Variants in CCDC32 observed in about 807,000 individuals in gnomAD.
CCDC32 encodes coiled-coil domain containing 32.
CCDC32 carries 9 observed loss-of-function variants against 20.1 expected under a neutral mutation model. The observed-to-expected ratio is 0.45, with a 90% CI of 0.27 to 0.78. CCDC32 has a LOEUF of 0.78. Among genes scored for constraint, CCDC32 ranks in the 30% least tolerant of loss-of-function variants. The pLI, the probability that CCDC32 is intolerant of heterozygous loss-of-function variation, is 0.16. For missense variants in CCDC32, 204 were observed against 215.5 expected, an observed-to-expected ratio of 0.95 and a Z score of 0.33; for synonymous variants, 63 against 79.0, an observed-to-expected ratio of 0.80 and a Z score of 1.07.
chr15:40,541,024 C>T lies in CCDC32; in HGVS notation c.402-1669G>A, dbSNP rs185878193. On this transcript the variant is annotated intron_variant, in intron 3 of 3. Coordinates refer to the CCDC32 transcript ENST00000558113. ...ACCAAAATGTCAAAACCAAAGGTCC[C>T]GCACAGCCCTGGAAGGCGGATCCTG... Among the ~76,000 whole-genome samples the T allele has an allele frequency of 2.2e-3, 339 of 152,312 alleles. 1 individual carries two copies. The highest frequency in any genetic ancestry group is 7.6e-3 in the African/African-American group (314 of 41,574).
At chr15:40,526,201 A>AT (rs1038328519), downstream of CCDC32, among the ~76,000 whole-genome samples, 8 of 151,660 alleles carry the variant, frequency 5.3e-5, no homozygotes, top group South Asian at 6.2e-4. Flanking sequence ...CTTCCAGAAC[A>AT]TTTTTTTTCA....
chr15:40,544,763 T>G (rs1889545023), intron 3 of CCDC32, among the ~76,000 whole-genome samples: 1 of 152,096 alleles, frequency 6.6e-6, no homozygotes, highest in African/African-American at 2.4e-5. Flanking sequence ...TGGAAAACTT[T>G]CCAGAGTCTG....
At chr15:40,563,702 ACACAC>A (rs201018319) in intron 1 of CCDC32, among the ~76,000 whole-genome samples, 37,816 of 151,910 alleles carry the variant, frequency 0.25, 5,713 homozygotes, top group Middle Eastern at 0.36. Flanking sequence ...ACACACACAC[ACACAC>A]AAATCTGTAG....
At chr15:40,546,813 TGCCTCA>T (rs1889639798) in intron 3 of CCDC32, among the ~76,000 whole-genome samples, 1 of 151,944 alleles carries the variant, frequency 6.6e-6, no homozygotes, top group Admixed American at 6.6e-5. Flanking sequence ...GTGATTCTCC[TGCCTCA>T]GCCTGTGGAG....
chr15:40,521,040 A>C, the CCDC32 span, among the ~76,000 whole-genome samples: 13 of 152,236 alleles, frequency 8.5e-5, no homozygotes, highest in African/African-American at 3.1e-4. Flanking sequence ...GAAGTGGATC[A>C]TCATAAAGAT....
Position 40,553,978 on chromosome 15 carries a change from T to C in CCDC32, c.551A>G (p.Glu184Gly). 1 of 1,604,914 alleles carries C rather than the reference T, an allele frequency of 6.2e-7. No individual in the cohort carries two copies. The change falls in exon 4 of 4, where the codon GAA (glutamate) becomes GGA (glycine). Residue 184 changes from glutamate to glycine, a missense_variant. By Grantham distance (98) the Glu-to-Gly change is moderately conservative. Transcript: ENST00000416810. Reference sequence around the variant, plus strand: ...TGTGTGTGTGTGTGTAATTTACTGTTCTGCTGCTGCTGGCTTGTCCCCGGC... The same window carrying C: ...TGTGTGTGTGTGTGTAATTTACTGTCCTGCTGCTGCTGGCTTGTCCCCGGC... Reference protein sequence around the residue: ...PAAGDKPAAAEQ With the variant: ...PAAGDKPAAAGQ
chr15:40,563,832 T>A (rs1230581437), intron 1 of CCDC32, among the ~76,000 whole-genome samples: 2 of 151,606 alleles, frequency 1.3e-5, no homozygotes, highest in African/African-American at 2.4e-5. Context: ...CTTTCTTTTT[T>A]TTTTTTGAGA....
downstream of CCDC32, among the ~76,000 whole-genome samples, chr15:40,524,198 C>T (rs1161836846): frequency 1.5e-5 from 2 of 137,928 alleles, no homozygotes; most frequent in Non-Finnish European, 3.0e-5. Flanking sequence ...GGCTCTGTCG[C>T]CCAGGCTGGA....
At chr15:40,539,395 G>C in intron 3 of CCDC32, 1 of 1,487,292 alleles carries the variant, frequency 6.7e-7, no homozygotes, top group Non-Finnish European at 9.1e-7. Context: ...GAGGAAGATA[G>C]ACAGATACAG....
chr15:40,550,815 C>T (rs1331190562), downstream of CCDC32, among the ~76,000 whole-genome samples: 1 of 152,216 alleles, frequency 6.6e-6, no homozygotes, highest in Non-Finnish European at 1.5e-5. Flanking sequence ...TTCAGTTCCT[C>T]TAAAGCGATT....
Position 40,557,267 on chromosome 15 carries a change from T to G in CCDC32, c.350A>C (p.Gln117Pro). Residue 117 changes from glutamine to proline, a missense_variant, in exon 3 of 4, where the codon CAG becomes CCG. By Grantham distance (76) the Gln-to-Pro change is moderately conservative. Transcript: ENST00000416810. Reference protein sequence around the residue: ...AKKECWDRFLQEKLASEFFVD... With the variant: ...AKKECWDRFLPEKLASEFFVD... ...AAAGAACTCTGAAGCTAACTTCTCC[T>G]GGAGGAACCGATCCCAGCATTCCTT... 1 of 1,614,212 alleles carries G rather than the reference T, an allele frequency of 6.2e-7. No individual in the cohort carries two copies. Among genetic ancestry groups the G allele is most frequent in the Non-Finnish European group, 8.5e-7 (1 of 1,180,028 alleles).
At chr15:40,542,423 C>T (rs901729749) in intron 3 of CCDC32, among the ~76,000 whole-genome samples, 3 of 152,204 alleles carry the variant, frequency 2.0e-5, no homozygotes, top group Non-Finnish European at 4.4e-5. Flanking sequence ...CCTGCTCACC[C>T]TGGACCCCTC....
chr15:40,522,329 G>C, the CCDC32 span, among the ~76,000 whole-genome samples: 1 of 152,118 alleles, frequency 6.6e-6, no homozygotes. Context: ...CTATCCTTAT[G>C]GCAGTACCAC....
intron 3 of CCDC32, chr15:40,528,933 T>C (rs931877380): frequency 1.7e-6 from 1 of 584,980 alleles, no homozygotes; most frequent in African/African-American, 1.9e-5. Flanking sequence ...TGAGTGGTAT[T>C]CAGCGCTCAG....
chr15:40,549,916 G>A (rs1273681697), downstream of CCDC32, among the ~76,000 whole-genome samples: 1 of 152,226 alleles, frequency 6.6e-6, no homozygotes, highest in Non-Finnish European at 1.5e-5. Flanking sequence ...AGGCTCCAGG[G>A]CTTCCGTCTT....
At chr15:40,536,690 G>A (rs1889126035), downstream of CCDC32, 1 of 152,310 alleles carries the variant, frequency 6.6e-6, no homozygotes, top group South Asian at 2.1e-4. Flanking sequence ...TCCCAGAACA[G>A]GGGCCTCTCT....
downstream of CCDC32, among the ~76,000 whole-genome samples, chr15:40,533,510 C>A (rs1888976426): frequency 6.6e-6 from 1 of 151,934 alleles, no homozygotes; most frequent in Non-Finnish European, 1.5e-5. Context: ...CCACGCCCGG[C>A]TAATTTTTGT....
downstream of CCDC32, among the ~76,000 whole-genome samples, chr15:40,528,502 C>T (rs1359516619): frequency 6.6e-6 from 1 of 152,150 alleles, no homozygotes; most frequent in Non-Finnish European, 1.5e-5. Flanking sequence ...CCATGGGATG[C>T]AGACTGTGGA....
At chr15:40,526,748 A>T (rs1323759922), downstream of CCDC32, among the ~76,000 whole-genome samples, 4 of 152,042 alleles carry the variant, frequency 2.6e-5, no homozygotes, top group Non-Finnish European at 5.9e-5. Flanking sequence ...ACCCATCTCT[A>T]CTAAAGATAC....
Sources: gnomAD v4.1 joint callset for allele counts (sites outside exome capture counted in the v4.1 genomes callset) on GRCh38, gnomAD v4.1.1 for gene constraint, MANE v1.5 for transcripts, NCBI Gene and HGNC (gene_info 2026-07-23, HGNC 2026-07-21) for gene names.